The following PAWR variants were observed in gnomAD, a reference collection of about 807,000 sequenced individuals.
PAWR encodes pro-apoptotic WT1 regulator.
A neutral mutation model predicts 32.0 loss-of-function variants in PAWR; 23 were observed. The ratio of observed to expected loss-of-function variants is 0.72; its 90% CI spans 0.52 to 1.02. PAWR has a LOEUF of 1.02. Ranked by LOEUF, PAWR falls within the 50% of genes least tolerant of loss-of-function variation. The pLI, the probability that PAWR is intolerant of heterozygous loss-of-function variation, is 0.00. For missense variants in PAWR, 457 were observed against 437.7 expected, an observed-to-expected ratio of 1.04 and a Z score of -0.39; for synonymous variants, 226 against 187.1, an observed-to-expected ratio of 1.21 and a Z score of -1.70.
At chr12:79,678,429 G>A (rs1000425126) in intron 2 of PAWR, among the ~76,000 whole-genome samples, 3 of 152,192 alleles carry the variant, frequency 2.0e-5, no homozygotes, top group African/African-American at 7.2e-5. Context: ...CATTTCCTCT[G>A]TTAGAACATA....
chr12:79,651,529 G>T (rs1876843650), intron 2 of PAWR, among the ~76,000 whole-genome samples: 1 of 152,096 alleles, frequency 6.6e-6, no homozygotes, highest in South Asian at 2.1e-4. Flanking sequence ...CTGGCCAGAT[G>T]ATCAGGCTAT....
chr12:79,690,104 G>A lies in PAWR; in HGVS notation c.141C>T (p.Ser47=). Residue 47 remains serine, a synonymous_variant, in exon 2 of 7, where the codon AGC becomes AGT. Transcript: ENST00000328827. ...PGPAPPGGGS[S]DAAGKPPAGA... ...CCGCGGGGGGCTTCCCAGCGGCGTC[G>A]CTGCTGCCCCCTCCCGGGGGGGCCG... 6.8e-7 allele frequency: 1 copy of A among 1,469,544 alleles called. No individual in the cohort carries two copies. Among genetic ancestry groups the A allele is most frequent in the Non-Finnish European group, 8.9e-7 (1 of 1,117,338 alleles). The allele number at this position is 1,469,544 out of a possible 1,614,324, so 91.0% of individuals were successfully genotyped here. A position where few individuals can be genotyped will look rare whatever the true frequency, so the allele number is the denominator to read the frequency against.
intron 2 of PAWR, among the ~76,000 whole-genome samples, chr12:79,680,499 TA>T (rs766201627): frequency 3.3e-5 from 5 of 152,228 alleles, no homozygotes; most frequent in Non-Finnish European, 7.3e-5. Flanking sequence ...TGCTAGTTTT[TA>T]TTAGGTTTCT....
rs577254198 is a variant in PAWR at position 79,629,895 on chromosome 12, G to T, written c.517-8688C>A. Among the ~76,000 whole-genome samples the T allele has an allele frequency of 1.7e-4, 26 of 151,844 alleles. No homozygotes were observed. In the South Asian group the frequency reaches 5.4e-3, roughly 31 times the overall value. On this transcript the variant is annotated intron_variant, in intron 2 of 6. Transcript: ENST00000328827. ...ATTCACAAATAATCACGTGAAAAAA[G>T]AAATCACAAGTAGAAAATATTTTCA...
chr12:79,675,821 C>A (rs183353115), intron 2 of PAWR, among the ~76,000 whole-genome samples: 3 of 152,006 alleles, frequency 2.0e-5, no homozygotes, highest in African/African-American at 4.8e-5. Context: ...CAAACCCCCA[C>A]GACATGAAAT....
At chr12:79,640,655 C>A (rs1193412985) in intron 2 of PAWR, among the ~76,000 whole-genome samples, 1 of 152,052 alleles carries the variant, frequency 6.6e-6, no homozygotes, top group African/African-American at 2.4e-5. Context: ...GTAGGAGGAT[C>A]ACTTGGGCCC....
chr12:79,681,733 T>C (rs777923174), intron 2 of PAWR, among the ~76,000 whole-genome samples: 3 of 152,096 alleles, frequency 2.0e-5, no homozygotes, highest in Non-Finnish European at 4.4e-5. Context: ...CAGAAAAAAA[T>C]TAGGATTACA....
intron 2 of PAWR, among the ~76,000 whole-genome samples, chr12:79,644,986 A>G (rs1876500834): frequency 6.6e-6 from 1 of 151,230 alleles, no homozygotes. Context: ...TCTTTACAAA[A>G]CTGAGTCTCT....
intron 2 of PAWR, chr12:79,632,132 C>CAAAAAAAAAAAAAAA (rs59152885): frequency 4.7e-4 from 24 of 50,914 alleles, no homozygotes; most frequent in South Asian, 1.3e-3. Flanking sequence ...GACTCTGTCT[C>CAAAAAAAAAAAAAAA]AAAAAAAAAA....
intron 2 of PAWR, among the ~76,000 whole-genome samples, chr12:79,687,570 ATC>A (rs1199627774): frequency 6.6e-6 from 1 of 152,174 alleles, no homozygotes; most frequent in Admixed American, 6.5e-5. Context: ...GGTCATTTTC[ATC>A]TTTTTACTTA....
chr12:79,636,189 T>A (rs552282189), intron 2 of PAWR, among the ~76,000 whole-genome samples: 1 of 152,240 alleles, frequency 6.6e-6, no homozygotes, highest in East Asian at 1.9e-4. Flanking sequence ...AATATAGAAA[T>A]TTAATAAGTT....
Position 79,587,246 on chromosome 12 carries a change from T to C in PAWR, c.*5361A>G, listed in dbSNP as rs1299491677. 1.3e-5 allele frequency: 2 copies of C among 152,094 alleles called. No homozygotes were observed. Among genetic ancestry groups the C allele is most frequent in the African/African-American group, 2.4e-5 (1 of 41,446 alleles). 9.4% of individuals were successfully genotyped at this position (152,094 alleles called of 1,614,324 possible). A position where few individuals can be genotyped will look rare whatever the true frequency, so the allele number is the denominator to read the frequency against. On this transcript the variant is annotated 3_prime_UTR_variant, in exon 7 of 7. Coordinates refer to ENST00000328827, the MANE Select transcript of PAWR (RefSeq NM_002583.4). The stretch of plus-strand genomic sequence containing the variant: ...AAATAGACTGACTTAAGGATGCTTT[T>C]CCTCTTGTTAGACTTGTATGACATT...
At chr12:79,657,767 C>G (rs1877165413) in intron 2 of PAWR, among the ~76,000 whole-genome samples, 1 of 151,644 alleles carries the variant, frequency 6.6e-6, no homozygotes. Context: ...GCACCCCAGC[C>G]TGGGCCACAG....
rs945556933 is a variant in PAWR at position 79,587,782 on chromosome 12, T to A, written c.*4825A>T. 2.0e-5 allele frequency: 3 copies of A among 151,862 alleles called. No individual in the cohort carries two copies. In the East Asian group the frequency reaches 5.8e-4, roughly 29 times the overall value. 9.4% of individuals were successfully genotyped at this position (151,862 alleles called of 1,614,324 possible). ...ACTGATAGTACAGGAAGAAAAAAAA[T>A]AACCACTGTTGAAAAATAAATGAAA... On this transcript the variant is annotated 3_prime_UTR_variant, in exon 7 of 7. Transcript: ENST00000328827.
intron 3 of PAWR, among the ~76,000 whole-genome samples, chr12:79,614,536 T>C (rs1874634711): frequency 6.6e-6 from 1 of 152,182 alleles, no homozygotes; most frequent in Admixed American, 6.5e-5. Flanking sequence ...AATTGTTACC[T>C]TGCAAATAAC....
At chr12:79,683,093 C>T (rs1459026387) in intron 2 of PAWR, among the ~76,000 whole-genome samples, 4 of 152,098 alleles carry the variant, frequency 2.6e-5, no homozygotes, top group Non-Finnish European at 5.9e-5. Flanking sequence ...GGAAAAGAGG[C>T]AAAGCAGACA....
intron 2 of PAWR, among the ~76,000 whole-genome samples, chr12:79,646,731 T>C (rs1344920510): frequency 6.6e-6 from 1 of 152,146 alleles, no homozygotes; most frequent in Non-Finnish European, 1.5e-5. Context: ...AAATAGATAA[T>C]TCAATACAAT....
chr12:79,667,387 A>T (rs1382190683), intron 2 of PAWR, among the ~76,000 whole-genome samples: 1 of 152,242 alleles, frequency 6.6e-6, no homozygotes, highest in African/African-American at 2.4e-5. Context: ...CTCTAGTTTA[A>T]ATCTAAATTT....
intron 6 of PAWR, among the ~76,000 whole-genome samples, chr12:79,593,163 T>C (rs1169674173): frequency 6.6e-6 from 1 of 152,106 alleles, no homozygotes; most frequent in East Asian, 1.9e-4. Flanking sequence ...TGTCTGATCT[T>C]TAAAGGTGTA....
Sources: allele counts gnomAD v4.1 joint callset (sites outside exome capture counted in the v4.1 genomes callset), GRCh38; gene constraint gnomAD v4.1.1; transcripts MANE v1.5; gene names NCBI Gene and HGNC (gene_info 2026-07-23, HGNC 2026-07-21).